PLXNA4: variants seen among roughly 807,000 people sequenced by gnomAD.
PLXNA4 encodes the protein plexin-A4.
A neutral mutation model predicts 191.8 loss-of-function variants in PLXNA4; 44 were observed. That is an observed-to-expected ratio of 0.23 (90% CI 0.18 to 0.29). PLXNA4 has a LOEUF of 0.29. PLXNA4 is among the 10% of genes least tolerant of loss of function. PLXNA4 has a pLI of 1.00. For synonymous variants in PLXNA4, 1,082 were observed against 1,009.5 expected (o/e 1.07, Z -1.36); for missense variants, 1,800 against 2,488.8 (o/e 0.72, Z 5.89).
chr7:132,159,379 A>T, intron 25 of PLXNA4, 94 bp downstream of exon 25: 3 of 1,553,982 alleles, frequency 1.9e-6, no homozygotes, highest in Non-Finnish European at 2.6e-6. Flanking sequence ...TTCCCCTCAG[A>T]TCTCTACCCC....
chr7:132,195,290 C>T (rs545472615), intron 13 of PLXNA4, among the ~76,000 whole-genome samples: 3 of 152,268 alleles, frequency 2.0e-5, no homozygotes, highest in South Asian at 4.1e-4. Flanking sequence ...AGACACGGCT[C>T]GACTTTTTTC....
At chr7:132,439,995 AGTGT>A (rs3067108) in intron 3 of PLXNA4, among the ~76,000 whole-genome samples, 1 of 150,090 alleles carries the variant, frequency 6.7e-6, no homozygotes, top group Non-Finnish European at 1.5e-5. Flanking sequence ...TGCATGTGTG[AGTGT>A]GTGTGTGTGT....
chr7:132,622,840 C>A (rs1269833417), intron 2 of PLXNA4, among the ~76,000 whole-genome samples: 1 of 152,174 alleles, frequency 6.6e-6, no homozygotes, highest in Non-Finnish European at 1.5e-5. Flanking sequence ...GTGAAGCTAC[C>A]ACATGGTTAC....
upstream of PLXNA4, among the ~76,000 whole-genome samples, chr7:132,578,262 C>G (rs1412501602): frequency 1.3e-5 from 2 of 152,030 alleles, no homozygotes; most frequent in Non-Finnish European, 2.9e-5. Context: ...TCCTCATACC[C>G]GCTCCCACCA....
intron 2 of PLXNA4, among the ~76,000 whole-genome samples, chr7:132,586,170 T>A (rs770584483): frequency 2.6e-5 from 4 of 152,212 alleles, no homozygotes; most frequent in Non-Finnish European, 5.9e-5. Flanking sequence ...AGGACGGTTT[T>A]CTTAGGGTAT....
At chr7:132,201,754 C>T (rs532010491) in intron 12 of PLXNA4, among the ~76,000 whole-genome samples, 1 of 152,306 alleles carries the variant, frequency 6.6e-6, no homozygotes, top group East Asian at 1.9e-4. Context: ...TCCAGCCTTG[C>T]TGGAAGAGTG....
At chr7:132,294,825 G>A (rs889862647) in intron 4 of PLXNA4, among the ~76,000 whole-genome samples, 3 of 152,168 alleles carry the variant, frequency 2.0e-5, no homozygotes, top group Admixed American at 6.5e-5. Context: ...GACACATAGA[G>A]AAACACCAGG....
chr7:132,147,991 A>G lies in PLXNA4; in HGVS notation c.4773T>C (p.Asp1591=). The G allele has an allele frequency of 6.2e-7, 1 of 1,614,122 alleles. No individual in the cohort carries two copies. The highest frequency in any genetic ancestry group is 8.5e-7 in the Non-Finnish European group (1 of 1,180,020). Residue 1591 remains aspartate, a synonymous_variant, in exon 27 of 32, where the codon GAT becomes GAC. Transcript: ENST00000321063. The part of the protein sequence containing the change: ...LNTLAHYQVP[D]GSVVALVSKQ... ...TGGACACTAATGCCACCACGGAACCATCTGGCACCTACAGGGAAAAAGCTT... is the reference window on the plus strand; with the variant it reads ...TGGACACTAATGCCACCACGGAACCGTCTGGCACCTACAGGGAAAAAGCTT...
At chr7:132,225,522 C>G (rs2116966733) in intron 8 of PLXNA4, among the ~76,000 whole-genome samples, 1 of 152,284 alleles carries the variant, frequency 6.6e-6, no homozygotes, top group Non-Finnish European at 1.5e-5. Flanking sequence ...AGAGCCAGAG[C>G]CTCGGCCCTC....
intron 3 of PLXNA4, among the ~76,000 whole-genome samples, chr7:132,345,447 C>T (rs1163606585): frequency 2.0e-5 from 3 of 152,202 alleles, no homozygotes; most frequent in Admixed American, 6.5e-5. Context: ...TTGATCTCTC[C>T]TGCAGAAAAA....
At chr7:132,256,890 T>C (rs1051776317) in intron 4 of PLXNA4, among the ~76,000 whole-genome samples, 1 of 151,612 alleles carries the variant, frequency 6.6e-6, no homozygotes, top group African/African-American at 2.4e-5. Context: ...AGGGACAGGG[T>C]GGGGGTGAGC....
At chr7:132,563,987 TCC>T in intron 1 of PLXNA4, among the ~76,000 whole-genome samples, 1 of 9,494 alleles carries the variant, frequency 1.1e-4, no homozygotes, top group Non-Finnish European at 2.4e-4. Context: ...CTCCTTCTCC[TCC>T]TCCTCCTTCT....
intron 3 of PLXNA4, among the ~76,000 whole-genome samples, chr7:132,328,117 C>T (rs1802443947): frequency 2.0e-5 from 3 of 152,180 alleles, no homozygotes; most frequent in Admixed American, 2.0e-4. Context: ...TCTGACCCTG[C>T]TAATGGGGAC....
At position 132,408,345 on chromosome 7, in the gene PLXNA4, G is replaced by A. The variant is rs952953545; in HGVS notation, c.1371+80947C>T. 5.9e-5 allele frequency among the ~76,000 whole-genome samples: 9 copies of A among 152,106 alleles called. No individual in the cohort carries two copies. In the South Asian group the frequency reaches 1.5e-3, roughly 25 times the overall value. ...GGAAATATTAATGATAGCTGCAGGC[G>A]GTGGCATTCTGGGGGTGCAGTTTTT... On this transcript the variant is annotated intron_variant, in intron 3 of 31. Coordinates refer to ENST00000321063, the MANE Select transcript of PLXNA4 (RefSeq NM_020911.2).
At chr7:132,472,984 T>C (rs1050083015) in intron 3 of PLXNA4, among the ~76,000 whole-genome samples, 2 of 152,218 alleles carry the variant, frequency 1.3e-5, no homozygotes, top group African/African-American at 4.8e-5. Flanking sequence ...ACATTATCAT[T>C]GTGGAGTTAC....
intron 5 of PLXNA4, among the ~76,000 whole-genome samples, chr7:132,236,639 A>G (rs996773039): frequency 1.3e-5 from 2 of 152,178 alleles, no homozygotes; most frequent in Non-Finnish European, 2.9e-5. Flanking sequence ...TCGCCTTCAT[A>G]TCACTGAGCC....
At chr7:132,507,160 C>G (rs576934676) in intron 2 of PLXNA4, among the ~76,000 whole-genome samples, 1 of 152,140 alleles carries the variant, frequency 6.6e-6, no homozygotes, top group African/African-American at 2.4e-5. Context: ...CTACAGCACA[C>G]TGTGATCTAG....
At chr7:132,434,746 G>A (rs551868776) in intron 3 of PLXNA4, among the ~76,000 whole-genome samples, 26 of 152,232 alleles carry the variant, frequency 1.7e-4, no homozygotes, top group South Asian at 4.2e-4. Flanking sequence ...AGTGTGGAAC[G>A]GTGAGCTCCA....
intron 24 of PLXNA4, among the ~76,000 whole-genome samples, chr7:132,161,072 C>T (rs1795935315): frequency 6.6e-6 from 1 of 152,196 alleles, no homozygotes; most frequent in Non-Finnish European, 1.5e-5. Context: ...CTTCTGGCCC[C>T]TTCCCTCTGC....
Sources: gnomAD v4.1 joint callset for allele counts (sites outside exome capture counted in the v4.1 genomes callset) on GRCh38, gnomAD v4.1.1 for gene constraint, MANE v1.5 for transcripts, NCBI Gene and HGNC (gene_info 2026-07-23, HGNC 2026-07-21) for gene names.